The following ZBTB49 variants were observed in gnomAD, a reference collection of about 807,000 sequenced individuals.
ZBTB49 encodes zinc finger and BTB domain containing 49.
In ZBTB49, 43 loss-of-function variants were observed where a neutral mutation model predicts 57.5. That is an observed-to-expected ratio of 0.75 (90% CI 0.59 to 0.97). The LOEUF (loss-of-function observed/expected upper bound fraction) is 0.97. Ranked by LOEUF, ZBTB49 falls within the 50% of genes least tolerant of loss-of-function variation. The pLI is 0.00. For missense variants in ZBTB49, 938 were observed against 947.7 expected, an observed-to-expected ratio of 0.99 and a Z score of 0.13; for synonymous variants, 369 against 362.1, an observed-to-expected ratio of 1.02 and a Z score of -0.22.
intron 4 of ZBTB49, among the ~76,000 whole-genome samples, chr4:4,307,158 C>T (rs546259813): frequency 2.0e-5 from 3 of 152,352 alleles, no homozygotes; most frequent in Admixed American, 6.5e-5. Context: ...ACCAAGTCCT[C>T]GCCGTCTCTC....
chr4:4,318,389 G>A (rs1173439448), intron 7 of ZBTB49, among the ~76,000 whole-genome samples: 1 of 152,218 alleles, frequency 6.6e-6, no homozygotes. Context: ...GCCGAGGCAG[G>A]TGGATCACTT....
At chr4:4,303,235 T>C in intron 3 of ZBTB49, 144 bp downstream of exon 3, 1 of 1,014,818 alleles carries the variant, frequency 9.9e-7, no homozygotes, top group Non-Finnish European at 1.3e-6. Context: ...GATTAACTAC[T>C]TTTTGTTTTA....
Position 4,306,118 on chromosome 4 carries a change from G to GTTGTT in ZBTB49, c.1256-7_1256-3dup, listed in dbSNP as rs753403489. 2.5e-6 allele frequency: 4 copies of GTTGTT among 1,608,344 alleles called. No individual in the cohort carries two copies. In the South Asian group the frequency reaches 3.3e-5, roughly 13 times the overall value. On this transcript the variant is annotated intron_variant, in intron 3 of 7. Coordinates refer to ENST00000337872, the MANE Select transcript of ZBTB49 (RefSeq NM_145291.4). ...AATACTAGTAATGATTTTACAAGTT[G>GTTGTT]TTGTTTTGTTTTGTTTTAGGTGAGA...
chr4:4,315,480 T>A (rs1577247517), intron 5 of ZBTB49, among the ~76,000 whole-genome samples, 156 bp from the exon 6 acceptor site: 1 of 131,626 alleles, frequency 7.6e-6, no homozygotes, highest in South Asian at 3.0e-4. Context: ...TAGAAAAGGG[T>A]TTTTTCCATG....
rs35865014 is a variant in ZBTB49, at chr4:4,304,225, ATT to A, written c.1255+1151_1255+1152del. ...CTCCTACAGCCTAATGATTACTGCAATTTTTTTTTTTTTTTTTTGAGACAGAG... is the reference window on the plus strand; with the variant it reads ...CTCCTACAGCCTAATGATTACTGCAATTTTTTTTTTTTTTTTGAGACAGAG... On this transcript the variant is annotated intron_variant, in intron 3 of 7. Coordinates refer to ENST00000337872, the MANE Select transcript of ZBTB49 (RefSeq NM_145291.4). 3.1e-3 allele frequency among the ~76,000 whole-genome samples: 427 copies of A among 135,646 alleles called. 2 individuals are homozygous for A. The highest frequency in any genetic ancestry group is 0.011 in the Middle Eastern group (3 of 266). The allele number at this position is 135,646 out of a possible 152,430, so 89.0% of individuals were successfully genotyped here. A position where few individuals can be genotyped will look rare whatever the true frequency, so the allele number is the denominator to read the frequency against.
At chr4:4,308,786 AAT>A (rs1276433467) in intron 4 of ZBTB49, among the ~76,000 whole-genome samples, 2 of 152,214 alleles carry the variant, frequency 1.3e-5, no homozygotes, top group Non-Finnish European at 2.9e-5. Flanking sequence ...AGTACAGTGA[AAT>A]GTTGGAACTG....
chr4:4,293,972 A>G (rs976912663), intron 1 of ZBTB49, among the ~76,000 whole-genome samples: 3 of 152,270 alleles, frequency 2.0e-5, no homozygotes, highest in Non-Finnish European at 4.4e-5. Context: ...TGGGAGAATC[A>G]TCGGAGAATT....
Position 4,292,007 on chromosome 4 carries a change from G to A in ZBTB49, c.-20+1655G>A, listed in dbSNP as rs138178978. Among the ~76,000 whole-genome samples the A allele has an allele frequency of 4.8e-3, 725 of 152,060 alleles. 8 individuals are homozygous for A. Among genetic ancestry groups the A allele is most frequent in the African/African-American group, 0.016 (679 of 41,484 alleles). On this transcript the variant is annotated intron_variant, in intron 1 of 7. Coordinates refer to ENST00000337872, the MANE Select transcript of ZBTB49 (RefSeq NM_145291.4). ...ACCAAAATTAGGCGGGTGTGGTGGCGCATGCCTGTAATCCCAGCACTTTGG... is the reference window on the plus strand; with the variant it reads ...ACCAAAATTAGGCGGGTGTGGTGGCACATGCCTGTAATCCCAGCACTTTGG...
At chr4:4,307,753 T>G (rs916845665) in intron 4 of ZBTB49, among the ~76,000 whole-genome samples, 2 of 152,000 alleles carry the variant, frequency 1.3e-5, no homozygotes, top group Admixed American at 1.3e-4. Flanking sequence ...CTAATGACCA[T>G]GAATAATTAG....
chr4:4,299,750 A>G (rs1411729075), intron 1 of ZBTB49, among the ~76,000 whole-genome samples, 177 bp from the exon 2 acceptor site: 1 of 151,204 alleles, frequency 6.6e-6, no homozygotes, highest in African/African-American at 2.4e-5. Context: ...GTTGAACAGC[A>G]GCGGTCTAGA....
chr4:4,318,029 T>G (rs1721260335), intron 7 of ZBTB49, among the ~76,000 whole-genome samples: 1 of 152,174 alleles, frequency 6.6e-6, no homozygotes, highest in Non-Finnish European at 1.5e-5. Flanking sequence ...CAGGCCTGTA[T>G]TCAGGGGCCT....
At position 4,313,103 on chromosome 4, in the gene ZBTB49, C is replaced by T; in HGVS notation, c.1365C>T (p.Ile455=). 1 of 1,614,160 alleles carries T rather than the reference C, an allele frequency of 6.2e-7. No homozygotes were observed. The highest frequency in any genetic ancestry group is 8.5e-7 in the Non-Finnish European group (1 of 1,180,044). ...GTGAAAAACCATACATCTGCGAGAT[C>T]TGTGGAAAGAGGTCAGTGCTGGGCG... The part of the protein sequence containing the change: ...HSGEKPYICE[I]CGKRFAASGD... Residue 455 remains isoleucine (I), a synonymous_variant, in exon 5 of 8, where the codon ATC becomes ATT. Transcript: ENST00000337872.
At position 4,302,520 on chromosome 4, in the gene ZBTB49, A is replaced by G; in HGVS notation, c.684A>G (p.Ala228=). 6.2e-7 allele frequency: 1 copy of G among 1,614,068 alleles called. No homozygotes were observed. The highest frequency in any genetic ancestry group is 8.5e-7 in the Non-Finnish European group (1 of 1,179,954). The stretch of plus-strand genomic sequence containing the variant: ...ACAGTAAGCAGTACCATAAACACGC[A>G]GCTGGTCCCAGTCAGGAGAGAGTTG... ...NFYSKQYHKH[A]AGPSQERVVE... is the part of the protein sequence containing the mutation. The change falls in exon 3 of 8, where the codon GCA becomes GCG. Residue 228 remains alanine, a synonymous_variant. Coordinates refer to ENST00000337872, the MANE Select transcript of ZBTB49 (RefSeq NM_145291.4).
intron 4 of ZBTB49, among the ~76,000 whole-genome samples, chr4:4,310,281 C>G (rs1433139157): frequency 1.3e-5 from 2 of 152,326 alleles, no homozygotes; most frequent in East Asian, 3.9e-4. Flanking sequence ...ACAGTCCAAA[C>G]TTTGGAGTCA....
intron 4 of ZBTB49, among the ~76,000 whole-genome samples, chr4:4,308,387 A>AT (rs35024329): frequency 1.3e-5 from 2 of 152,162 alleles, no homozygotes; most frequent in African/African-American, 2.4e-5. Context: ...ACGTATCAGT[A>AT]TTTTTAAAAA....
At chr4:4,300,185 A>G in intron 2 of ZBTB49, 88 bp downstream of exon 2, 1 of 1,418,438 alleles carries the variant, frequency 7.1e-7, no homozygotes, top group Non-Finnish European at 9.6e-7. Context: ...TTCTCCTTGG[A>G]TTTCACTATC....
At chr4:4,294,353 G>A (rs932235211) in intron 1 of ZBTB49, among the ~76,000 whole-genome samples, 1 of 151,948 alleles carries the variant, frequency 6.6e-6, no homozygotes. Context: ...AAATGATATG[G>A]AATAATAATA....
rs748075085 is a variant in ZBTB49, at chr4:4,302,857, A to G, written c.1021A>G (p.Ser341Gly). The G allele has an allele frequency of 4.3e-6, 7 of 1,613,840 alleles. No individual in the cohort carries two copies. In the South Asian group the frequency reaches 5.5e-5, roughly 13 times the overall value. ...DGLTKRLESASKNTLEKASSQ... is the reference protein window; with the variant it reads ...DGLTKRLESAGKNTLEKASSQ... ...TTTGACAAAGAGGTTGGAATCTGCT[A>G]GTAAAAATACCCTAGAGAAAGCTAG... is the stretch of plus-strand genomic sequence containing the variant. Residue 341 changes from serine (S) to glycine (G), a missense_variant, in exon 3 of 8, where the codon AGT becomes GGT. Physicochemically the swap from Ser to Gly is moderately conservative, Grantham distance 56 (BLOSUM62 0). Coordinates refer to ENST00000337872, the MANE Select transcript of ZBTB49 (RefSeq NM_145291.4).
intron 3 of ZBTB49, among the ~76,000 whole-genome samples, chr4:4,305,693 C>T (rs993100858): frequency 3.3e-5 from 5 of 152,200 alleles, no homozygotes; most frequent in East Asian, 1.9e-4. Context: ...TGCTTCAGGA[C>T]GACCCACTGT....
Sources: allele counts gnomAD v4.1 joint callset (sites outside exome capture counted in the v4.1 genomes callset), GRCh38; gene constraint gnomAD v4.1.1; transcripts MANE v1.5; gene names NCBI Gene and HGNC (gene_info 2026-07-23, HGNC 2026-07-21).